Variants in PDGFA observed in about 807,000 individuals in gnomAD.
PDGFA encodes the protein platelet-derived growth factor subunit A.
In PDGFA, 9 loss-of-function variants were observed where a neutral mutation model predicts 25.6. The observed-to-expected ratio is 0.35, with a 90% CI of 0.21 to 0.61. The LOEUF is 0.61. Among genes scored for constraint, PDGFA ranks in the 20% least tolerant of loss-of-function variants. The pLI is 0.75. For missense variants in PDGFA, 242 were observed against 272.8 expected, an observed-to-expected ratio of 0.89 and a Z score of 0.79; for synonymous variants, 133 against 111.8, an observed-to-expected ratio of 1.19 and a Z score of -1.20.
chr7:511,902 G>C (rs569691472), intron 3 of PDGFA, among the ~76,000 whole-genome samples: 1 of 151,984 alleles, frequency 6.6e-6, no homozygotes, highest in Admixed American at 6.5e-5. Context: ...TGAGGGTGTC[G>C]GGGGGCAGCC....
At chr7:512,315 G>C in intron 3 of PDGFA, 36 bp downstream of exon 3, 3 of 1,475,234 alleles carry the variant, frequency 2.0e-6, no homozygotes, top group Non-Finnish European at 1.9e-6. Flanking sequence ...ACCCTGACCC[G>C]GCCCTGCCCT....
intron 4 of PDGFA, 115 bp from the exon 5 acceptor site, chr7:501,357 C>G (rs1782331521): frequency 2.3e-6 from 3 of 1,303,556 alleles, no homozygotes; most frequent in Non-Finnish European, 2.2e-6. Flanking sequence ...GACCCCTGAC[C>G]TCCTCCCAGA....
chr7:507,099 T>C (rs1782592727), intron 4 of PDGFA, among the ~76,000 whole-genome samples: 1 of 152,192 alleles, frequency 6.6e-6, no homozygotes, highest in African/African-American at 2.4e-5. Context: ...GCAGGACCGG[T>C]CTCTTGGCTG....
intron 4 of PDGFA, among the ~76,000 whole-genome samples, chr7:502,291 A>G (rs949939164): frequency 2.0e-5 from 3 of 151,912 alleles, no homozygotes; most frequent in African/African-American, 7.3e-5. Flanking sequence ...TCCTAGCCCA[A>G]GGTTGCTGTG....
At chr7:508,473 T>G (rs1366472204) in intron 4 of PDGFA, among the ~76,000 whole-genome samples, 1 of 140,734 alleles carries the variant, frequency 7.1e-6, no homozygotes, top group African/African-American at 2.7e-5. Flanking sequence ...GGTGGGAGGA[T>G]AGCTTCAGCC....
chr7:498,912 G>A (rs1296752884), intron 5 of PDGFA, among the ~76,000 whole-genome samples: 1 of 152,222 alleles, frequency 6.6e-6, no homozygotes, highest in East Asian at 1.9e-4. Context: ...GGGCTTAGAT[G>A]TGATTTCTGG....
upstream of PDGFA, chr7:520,216 C>A: frequency 4.4e-6 from 1 of 227,240 alleles, no homozygotes; most frequent in Non-Finnish European, 9.0e-6. Flanking sequence ...GCCCCAGCGG[C>A]GGCAGCGGGC....
Position 517,543 on chromosome 7 carries a change from G to A in PDGFA, c.64-53C>T, listed in dbSNP as rs1037404437. 16 of 839,458 alleles carry A rather than the reference G, an allele frequency of 1.9e-5. No homozygotes were observed. In the African/African-American group the frequency reaches 2.4e-4, roughly 13 times the overall value. The allele number at this position is 839,458 out of a possible 1,614,324, so 52.0% of individuals were successfully genotyped here. A position where few individuals can be genotyped will look rare whatever the true frequency, so the allele number is the denominator to read the frequency against. ...CCCGCGGCCCCGACCCCGCCGGCAC[G>A]CGCCCCCGGCCGCCAGGAGCGCCGC... On this transcript the variant is annotated intron_variant, in intron 1 of 5. Coordinates refer to ENST00000402802, the Ensembl canonical transcript of PDGFA. This position sits in a 1 kb window ranked among gnomAD's most constrained non-coding sequence, Gnocchi z 7.4.
chr7:509,761 C>G lies in PDGFA; in HGVS notation c.453+1048G>C, dbSNP rs560690722. Among the ~76,000 whole-genome samples the G allele has an allele frequency of 2.0e-5, 3 of 152,322 alleles. 1 individual carries two copies. In the South Asian group the frequency reaches 6.2e-4, roughly 32 times the overall value. On this transcript the variant is annotated intron_variant, in intron 4 of 5. Coordinates refer to ENST00000402802, the Ensembl canonical transcript of PDGFA. Reference sequence around the variant, plus strand: ...AGACACAGTCTGCCGGCGCCCTGATCTTGGACTTCCAGCCTCCAGAACTTT... The same window carrying G: ...AGACACAGTCTGCCGGCGCCCTGATGTTGGACTTCCAGCCTCCAGAACTTT...
Position 500,644 on chromosome 7 carries a change from C to T in PDGFA, c.580+472G>A. ...GCACCGAGAAACTTCTGAGTCCCCT[C>T]ATGCTCCCAGGGCCCAGCCATAGCA... On this transcript the variant is annotated intron_variant, in intron 5 of 5. Transcript: ENST00000402802. This position sits in a 1 kb window ranked among gnomAD's most constrained non-coding sequence, Gnocchi z 5.0. 5.4e-6 allele frequency: 8 copies of T among 1,484,694 alleles called. No individual in the cohort carries two copies. The highest frequency in any genetic ancestry group is 7.1e-6 in the Non-Finnish European group (8 of 1,123,146). The allele number at this position is 1,484,694 out of a possible 1,614,324, so 92.0% of individuals were successfully genotyped here.
intron 1 of PDGFA, among the ~76,000 whole-genome samples, chr7:518,687 C>A (rs543279004): frequency 6.6e-6 from 1 of 152,278 alleles, no homozygotes; most frequent in East Asian, 1.9e-4. Context: ...ACTGCGCCCC[C>A]CGAAGTTTCT....
chr7:500,482 C>G lies in PDGFA; in HGVS notation c.580+634G>C. 6.2e-7 allele frequency: 1 copy of G among 1,614,042 alleles called. No individual in the cohort carries two copies. The highest frequency in any genetic ancestry group is 8.5e-7 in the Non-Finnish European group (1 of 1,180,022). ...AACCTTTTTCTTTTCCGTTTTTTAC[C>G]TGACTCCCTAGGCCTTCCTGTTAAC... On this transcript the variant is annotated intron_variant, in intron 5 of 5. Transcript: ENST00000402802. This position sits in a 1 kb window ranked among gnomAD's most constrained non-coding sequence, Gnocchi z 5.0.
At chr7:502,803 CACACACAT>C (rs1304146176) in intron 4 of PDGFA, among the ~76,000 whole-genome samples, 143 of 148,998 alleles carry the variant, frequency 9.6e-4, no homozygotes, top group African/African-American at 1.8e-3. Context: ...CACACACACA[CACACACAT>C]AATGCACATA....
chr7:505,825 G>A (rs1172441375), intron 4 of PDGFA, among the ~76,000 whole-genome samples: 1 of 152,142 alleles, frequency 6.6e-6, no homozygotes, highest in Non-Finnish European at 1.5e-5. Flanking sequence ...AGCCCCACCT[G>A]GGTGTCTCTC....
intron 4 of PDGFA, among the ~76,000 whole-genome samples, chr7:508,427 C>T (rs1254118463): frequency 6.6e-6 from 1 of 151,710 alleles, no homozygotes; most frequent in Non-Finnish European, 1.5e-5. Flanking sequence ...ATTAGCCAGG[C>T]ATGGTGGCAT....
Position 517,266 on chromosome 7 carries a change from T to G in PDGFA, c.160+128A>C. ...CTCCTGACTCATCCGCCCGGGCGCT[T>G]ATGGCTGGGGATTGGATTCTGACCT... On this transcript the variant is annotated intron_variant, in intron 2 of 5. Transcript: ENST00000402802. This position sits in a 1 kb window ranked among gnomAD's most constrained non-coding sequence, Gnocchi z 7.4. 2 of 312,694 alleles carry G rather than the reference T, an allele frequency of 6.4e-6. No individual in the cohort carries two copies. Among genetic ancestry groups the G allele is most frequent in the Non-Finnish European group, 5.7e-6 (1 of 175,226 alleles). The allele number at this position is 312,694 out of a possible 1,614,324, so 19.4% of individuals were successfully genotyped here. A position where few individuals can be genotyped will look rare whatever the true frequency, so the allele number is the denominator to read the frequency against.
intron 4 of PDGFA, among the ~76,000 whole-genome samples, chr7:504,487 C>G (rs76408003): frequency 6.6e-6 from 1 of 152,166 alleles, no homozygotes; most frequent in Non-Finnish European, 1.5e-5. Context: ...CAGCAGGGAC[C>G]GAGTTCCTTC....
chr7:510,542 CG>C (rs1782755841), intron 4 of PDGFA, among the ~76,000 whole-genome samples: 1 of 77,468 alleles, frequency 1.3e-5, no homozygotes, highest in Admixed American at 1.8e-4. Flanking sequence ...GTGGTGGACG[CG>C]GGAGGGACCC....
In PDGFA at chr7:500,862, C is replaced by G; in HGVS notation, c.580+254G>C. The G allele has an allele frequency of 6.5e-7, 1 of 1,545,436 alleles. No individual in the cohort carries two copies. Among genetic ancestry groups the G allele is most frequent in the Non-Finnish European group, 8.7e-7 (1 of 1,151,110 alleles). On this transcript the variant is annotated intron_variant, in intron 5 of 5. Transcript: ENST00000402802. The surrounding 1 kb of genome is among the most constrained non-coding windows in gnomAD (Gnocchi z 5.0). Reference sequence around the variant, plus strand: ...TTGGGTGTCTTATGCACTCCCAGCCCCTCTCAGTGAGACCTGAATCTCCTC... The same window carrying G: ...TTGGGTGTCTTATGCACTCCCAGCCGCTCTCAGTGAGACCTGAATCTCCTC...
Sources: allele counts gnomAD v4.1 joint callset (sites outside exome capture counted in the v4.1 genomes callset), GRCh38; gene constraint gnomAD v4.1.1; non-coding constraint Gnocchi (gnomAD v3.1); transcripts MANE v1.5; gene names NCBI Gene and HGNC (gene_info 2026-07-23, HGNC 2026-07-21).